CEP76: variants seen among roughly 807,000 people sequenced by gnomAD.
The protein encoded by CEP76 is centrosomal protein of 76 kDa.
CEP76 carries 55 observed loss-of-function variants against 83.3 expected under a neutral mutation model. That is an observed-to-expected ratio of 0.66 (90% CI 0.53 to 0.83). CEP76 has a LOEUF of 0.83. Ranked by LOEUF, CEP76 falls within the 40% of genes least tolerant of loss-of-function variation. The pLI is 0.00. For missense variants in CEP76, 694 were observed against 799.5 expected (o/e 0.87, Z 1.59); for synonymous variants, 270 against 274.5 (o/e 0.98, Z 0.16).
At chr18:12,689,695 C>T (rs2039676604) in intron 7 of CEP76, among the ~76,000 whole-genome samples, 1 of 152,130 alleles carries the variant, frequency 6.6e-6, no homozygotes, top group South Asian at 2.1e-4. Context: ...ATCCTGAGTC[C>T]TCTCTAGTTC....
chr18:12,669,453 G>GACCA (rs1200475400), downstream of CEP76, among the ~76,000 whole-genome samples: 2 of 151,838 alleles, frequency 1.3e-5, no homozygotes, highest in Admixed American at 1.3e-4. Flanking sequence ...TCACTATGTT[G>GACCA]ACCAGGCTGT....
intron 11 of CEP76, among the ~76,000 whole-genome samples, chr18:12,674,053 T>G (rs1162256796): frequency 6.6e-6 from 1 of 152,130 alleles, no homozygotes; most frequent in African/African-American, 2.4e-5. Context: ...TATCTAGGGC[T>G]ACATTTCAGA....
intron 12 of CEP76, among the ~76,000 whole-genome samples, chr18:12,666,438 T>A (rs796957717): frequency 2.1e-3 from 232 of 108,272 alleles, no homozygotes; most frequent in Middle Eastern, 8.4e-3. Flanking sequence ...ATTTTATGGT[T>A]TTTTTTTTTT....
chr18:12,671,405 G>C (rs936730643), downstream of CEP76, among the ~76,000 whole-genome samples: 1 of 151,762 alleles, frequency 6.6e-6, no homozygotes, highest in Non-Finnish European at 1.5e-5. Flanking sequence ...ACTAAATTAA[G>C]AACTACACAT....
At chr18:12,666,726 G>A (rs2038811904) in intron 12 of CEP76, among the ~76,000 whole-genome samples, 1 of 151,378 alleles carries the variant, frequency 6.6e-6, no homozygotes, top group Non-Finnish European at 1.5e-5. Flanking sequence ...TGGAATTACA[G>A]GCTTCAGTCA....
chr18:12,678,824 C>T (rs1433246868), intron 9 of CEP76, among the ~76,000 whole-genome samples: 1 of 151,990 alleles, frequency 6.6e-6, no homozygotes, highest in African/African-American at 2.4e-5. Context: ...GGCATGGGAG[C>T]ACGTGCCTGT....
chr18:12,698,749 A>G, intron 4 of CEP76: 1 of 535,190 alleles, frequency 1.9e-6, no homozygotes, highest in Non-Finnish European at 3.3e-6. Flanking sequence ...GTGTATTACT[A>G]AAGAATCAAC....
Position 12,673,504 on chromosome 18 carries a change from C to A in CEP76, c.1842-1G>T. The A allele has an allele frequency of 6.4e-7, 1 of 1,568,010 alleles. No homozygotes were observed. The highest frequency in any genetic ancestry group is 8.6e-7 in the Non-Finnish European group (1 of 1,165,104). On this transcript the variant is annotated splice_acceptor_variant, in intron 11 of 11. Transcript: ENST00000262127. LOFTEE classifies it high-confidence loss of function. The stretch of plus-strand genomic sequence containing the variant: ...GATTATTTCTTCACAGAAAGGAGAT[C>A]TATTTAAGAAAAAAAAAATTATTCA...
downstream of CEP76, among the ~76,000 whole-genome samples, chr18:12,671,530 T>C (rs55818117): frequency 6.6e-3 from 1,007 of 152,148 alleles, 10 homozygotes; most frequent in African/African-American, 0.022. Flanking sequence ...ATTATGCAGC[T>C]TCTTGCAAAA....
At chr18:12,695,394 T>C in intron 5 of CEP76, 43 bp from the exon 6 acceptor site, 3 of 955,222 alleles carry the variant, frequency 3.1e-6, no homozygotes, top group Non-Finnish European at 4.7e-6. Flanking sequence ...TTCAATACTA[T>C]ATATATTTAG....
intron 7 of CEP76, among the ~76,000 whole-genome samples, chr18:12,688,435 T>C (rs896893968): frequency 1.3e-5 from 2 of 152,126 alleles, no homozygotes; most frequent in African/African-American, 2.4e-5. Context: ...TTGGTTAGTA[T>C]TGAGGTGCAG....
At chr18:12,680,941 G>T in intron 8 of CEP76, 113 bp from the exon 9 acceptor site, 1 of 987,622 alleles carries the variant, frequency 1.0e-6, no homozygotes, top group Non-Finnish European at 1.4e-6. Flanking sequence ...GCTCACGCCT[G>T]TAATCCCAAC....
At chr18:12,695,412 A>C in intron 5 of CEP76, 61 bp from the exon 6 acceptor site, 1 of 727,190 alleles carries the variant, frequency 1.4e-6, no homozygotes, top group Non-Finnish European at 2.2e-6. Flanking sequence ...TAGTCAACCA[A>C]AGTCTAACCA....
chr18:12,662,277 A>G (rs2038707222), intron 12 of CEP76: 1 of 394,718 alleles, frequency 2.5e-6, no homozygotes, highest in South Asian at 1.9e-5. Flanking sequence ...CTGTAGTGCT[A>G]TTTATACTTT....
chr18:12,669,630 T>G (rs1419700586), downstream of CEP76, among the ~76,000 whole-genome samples: 1 of 152,192 alleles, frequency 6.6e-6, no homozygotes, highest in African/African-American at 2.4e-5. Context: ...GGAGACATTA[T>G]GTTTTTTAAA....
intron 8 of CEP76, among the ~76,000 whole-genome samples, chr18:12,681,901 C>CA (rs1181854334): frequency 6.6e-6 from 1 of 151,664 alleles, no homozygotes; most frequent in African/African-American, 2.4e-5. Context: ...GAGGCTGAGG[C>CA]AGGAGAATCG....
intron 10 of CEP76, among the ~76,000 whole-genome samples, chr18:12,675,772 G>A (rs948884392): frequency 6.6e-6 from 1 of 151,730 alleles, no homozygotes; most frequent in African/African-American, 2.4e-5. Context: ...AGGTTCAAGC[G>A]ATTCTCCTGC....
In CEP76 at chr18:12,702,477, G is replaced by C; in HGVS notation, c.63+9C>G. The C allele has an allele frequency of 6.2e-7, 1 of 1,601,292 alleles. No homozygotes were observed. The highest frequency in any genetic ancestry group is 8.5e-7 in the Non-Finnish European group (1 of 1,172,012). On this transcript the variant is annotated intron_variant, in intron 1 of 11. Transcript: ENST00000262127. ...CCCGGCGGTCTCTCCCAGCACCCGCGACTCTCACCTTGCTCAGCTGCTGGT... is the reference window on the plus strand; with the variant it reads ...CCCGGCGGTCTCTCCCAGCACCCGCCACTCTCACCTTGCTCAGCTGCTGGT...
At chr18:12,681,188 ACT>A (rs1345090897) in intron 8 of CEP76, among the ~76,000 whole-genome samples, 3 of 145,246 alleles carry the variant, frequency 2.1e-5, no homozygotes, top group African/African-American at 5.1e-5. Flanking sequence ...ACAGAGTAAG[ACT>A]CTGTTTCCAA....
Sources: gnomAD v4.1 joint callset for allele counts (sites outside exome capture counted in the v4.1 genomes callset) on GRCh38, gnomAD v4.1.1 for gene constraint, MANE v1.5 for transcripts, NCBI Gene and HGNC (gene_info 2026-07-23, HGNC 2026-07-21) for gene names.